Variants in PAPSS2 observed in about 807,000 individuals in gnomAD.
PAPSS2 encodes bifunctional 3'-phosphoadenosine 5'-phosphosulfate synthase 2.
Under a neutral mutation model 66.5 loss-of-function variants are expected in PAPSS2, and 61 were observed. The observed-to-expected ratio is 0.92, with a 90% CI of 0.75 to 1.14. PAPSS2 has a LOEUF of 1.14. Ranked by LOEUF, PAPSS2 falls within the 50% of genes most tolerant of loss-of-function variation. The pLI, the probability that PAPSS2 is intolerant of heterozygous loss-of-function variation, is 0.00. For synonymous variants in PAPSS2, 289 were observed against 287.5 expected (o/e 1.01, Z -0.05); for missense variants, 708 against 789.6 (o/e 0.90, Z 1.24).
At chr10:87,703,588 C>A (rs181271877) in intron 1 of PAPSS2, among the ~76,000 whole-genome samples, 459 of 152,050 alleles carry the variant, frequency 3.0e-3, no homozygotes, top group Non-Finnish European at 4.8e-3. Flanking sequence ...TATTCTTATC[C>A]CCATTTTACA....
chr10:87,706,013 T>G (rs1039898277), intron 1 of PAPSS2, among the ~76,000 whole-genome samples: 1 of 149,570 alleles, frequency 6.7e-6, no homozygotes, highest in African/African-American at 2.5e-5. Flanking sequence ...ATTACAGGTG[T>G]GAGCCGCCGC....
intron 1 of PAPSS2, among the ~76,000 whole-genome samples, chr10:87,701,453 A>G (rs1589430038): frequency 1.6e-5 from 2 of 124,534 alleles, no homozygotes; most frequent in Admixed American, 9.1e-5. Flanking sequence ...ACAAGGTCTC[A>G]CTCCATTGCC....
chr10:87,696,338 C>G (rs1330495318), intron 1 of PAPSS2, among the ~76,000 whole-genome samples: 1 of 152,026 alleles, frequency 6.6e-6, no homozygotes, highest in Non-Finnish European at 1.5e-5. Flanking sequence ...CCTGGGCTCT[C>G]TCTATATGGA....
Position 87,672,788 on chromosome 10 carries a change from C to G in PAPSS2, c.27+12780C>G, listed in dbSNP as rs146723147. 1.4e-4 allele frequency among the ~76,000 whole-genome samples: 21 copies of G among 152,330 alleles called. No individual in the cohort carries two copies. The East Asian group carries it at 3.9e-3, about 28-fold the overall frequency. On this transcript the variant is annotated intron_variant, in intron 1 of 12. Coordinates refer to ENST00000456849, the MANE Select transcript of PAPSS2 (RefSeq NM_001015880.2). ...ATCCTGTGGGCCAAACCACAGTCAC[C>G]TGCCTGTTTTGGTAGGCCTATAAGC...
chr10:87,707,132 T>TC (rs1404044632), intron 1 of PAPSS2, among the ~76,000 whole-genome samples: 1 of 152,140 alleles, frequency 6.6e-6, no homozygotes, highest in African/African-American at 2.4e-5. Context: ...AGCAGGCCCA[T>TC]CCCCACTCTG....
At chr10:87,661,746 A>C (rs1852755532) in intron 1 of PAPSS2, among the ~76,000 whole-genome samples, 1 of 152,144 alleles carries the variant, frequency 6.6e-6, no homozygotes, top group South Asian at 2.1e-4. Context: ...TTTTGTATTT[A>C]CACATTCTGA....
At chr10:87,700,863 G>A (rs1853295213) in intron 1 of PAPSS2, among the ~76,000 whole-genome samples, 1 of 151,686 alleles carries the variant, frequency 6.6e-6, no homozygotes, top group South Asian at 2.1e-4. Context: ...TGAGATTGCT[G>A]GATGTAATGA....
chr10:87,671,090 G>A (rs1852871724), intron 1 of PAPSS2, among the ~76,000 whole-genome samples: 1 of 152,078 alleles, frequency 6.6e-6, no homozygotes. Context: ...AGGGAACTCT[G>A]AGCTTGTAGA....
intron 8 of PAPSS2, among the ~76,000 whole-genome samples, chr10:87,722,460 C>A (rs1853608833): frequency 6.6e-6 from 1 of 152,088 alleles, no homozygotes; most frequent in African/African-American, 2.4e-5. Context: ...AGAAACAGTC[C>A]CAAACAACCA....
Position 87,743,410 on chromosome 10 carries a change from CA to C in PAPSS2, c.1262del (p.Asn421MetfsTer6). 6.2e-7 allele frequency: 1 copy of C among 1,614,136 alleles called. No homozygotes were observed. Among genetic ancestry groups the C allele is most frequent in the Non-Finnish European group, 8.5e-7 (1 of 1,180,004 alleles). On this transcript the variant is annotated frameshift_variant, in exon 11 of 13. Transcript: ENST00000456849. LOFTEE classifies it high-confidence loss of function. ...CATTCCAGTTGCGCAATCCTGTCCA[CA>C]ATGGCCATGCCCTGTTGATGCAGGA... ...FAFQLRNPVHNGHALLMQDTR... is the reference protein window; with the variant it reads ...FAFQLRNPVHXGHALLMQDTR...
At chr10:87,744,535 A>G (rs968685358) in intron 11 of PAPSS2, among the ~76,000 whole-genome samples, 1 of 152,218 alleles carries the variant, frequency 6.6e-6, no homozygotes, top group Non-Finnish European at 1.5e-5. Flanking sequence ...TTGTATTGCT[A>G]TCTGAGCTTT....
intron 7 of PAPSS2, 40 bp downstream of exon 7, chr10:87,715,883 G>GAA: frequency 5.4e-6 from 6 of 1,119,870 alleles, no homozygotes; most frequent in Non-Finnish European, 8.0e-6. Flanking sequence ...TGTTGTTAAG[G>GAA]AAAAAAAAAA....
Position 87,747,197 on chromosome 10 carries a change from G to C in PAPSS2, c.*1227G>C, listed in dbSNP as rs986572665. On this transcript the variant is annotated 3_prime_UTR_variant, in exon 13 of 13. Coordinates refer to ENST00000456849, the MANE Select transcript of PAPSS2 (RefSeq NM_001015880.2). Reference sequence around the variant, plus strand: ...TTATTGCAGTTGAAAAAAAAAAAAAGCTATTCCAAAGATTTCAAGCTGTTC... The same window carrying C: ...TTATTGCAGTTGAAAAAAAAAAAAACCTATTCCAAAGATTTCAAGCTGTTC... 1 of 151,258 alleles carries C rather than the reference G, an allele frequency of 6.6e-6. No individual in the cohort carries two copies. The highest frequency in any genetic ancestry group is 1.5e-5 in the Non-Finnish European group (1 of 67,832). 9.4% of individuals were successfully genotyped at this position (151,258 alleles called of 1,614,324 possible).
At chr10:87,716,605 C>G (rs115720751) in intron 7 of PAPSS2, among the ~76,000 whole-genome samples, 1 of 152,062 alleles carries the variant, frequency 6.6e-6, no homozygotes, top group African/African-American at 2.4e-5. Context: ...GGGCTCCAAG[C>G]CTTTTAGGAA....
rs1324872261 is a variant in PAPSS2, at chr10:87,659,939, G to T, written c.-43G>T. 6 of 1,608,776 alleles carry T rather than the reference G, an allele frequency of 3.7e-6. No homozygotes were observed. Among genetic ancestry groups the T allele is most frequent in the East Asian group, 2.2e-5 (1 of 44,766 alleles). On this transcript the variant is annotated 5_prime_UTR_variant, in exon 1 of 13. Coordinates refer to ENST00000456849, the MANE Select transcript of PAPSS2 (RefSeq NM_001015880.2). ...CGCCGCCGCCGTCCCTGCGTCCTTC[G>T]GTCTCTGCTCCCGGGACCCGGGCTC...
intron 8 of PAPSS2, among the ~76,000 whole-genome samples, chr10:87,722,729 T>G (rs150324631): frequency 6.6e-6 from 1 of 152,354 alleles, no homozygotes; most frequent in African/African-American, 2.4e-5. Flanking sequence ...AGTTCAAGTA[T>G]TACATCTTAG....
chr10:87,707,817 C>T (rs1350540096), intron 1 of PAPSS2, among the ~76,000 whole-genome samples: 1 of 152,054 alleles, frequency 6.6e-6, no homozygotes, highest in African/African-American at 2.4e-5. Context: ...AGCAATCCTC[C>T]CGCCTTGACC....
rs367885911 is a variant in PAPSS2, at chr10:87,713,312, T to TAAAAAAAAAAAAA, written c.381+12_381+24dup. On this transcript the variant is annotated splice_region_variant and intron_variant, in intron 3 of 12. Coordinates refer to ENST00000456849, the MANE Select transcript of PAPSS2 (RefSeq NM_001015880.2). The stretch of plus-strand genomic sequence containing the variant: ...AGCTTTATTTCTCCATTCGCAAAGG[T>TAAAAAAAAAAAAA]AAAAAAAAAAAAAAAAAAAAAAGGC... 459 of 575,000 alleles carry TAAAAAAAAAAAAA rather than the reference T, an allele frequency of 8.0e-4. 16 individuals are homozygous for TAAAAAAAAAAAAA. The highest frequency in any genetic ancestry group is 3.1e-3 in the East Asian group (58 of 18,758). The allele number at this position is 575,000 out of a possible 1,614,324, so 35.6% of individuals were successfully genotyped here.
intron 2 of PAPSS2, among the ~76,000 whole-genome samples, chr10:87,710,837 T>C (rs1343833400): frequency 6.6e-6 from 1 of 152,110 alleles, no homozygotes. Flanking sequence ...CCTGTCTCTC[T>C]ACTAAGAAGA....
Sources: allele counts gnomAD v4.1 joint callset (sites outside exome capture counted in the v4.1 genomes callset), GRCh38; gene constraint gnomAD v4.1.1; transcripts MANE v1.5; gene names NCBI Gene and HGNC (gene_info 2026-07-23, HGNC 2026-07-21).